SYTL5: variants seen among roughly 807,000 people sequenced by gnomAD.
SYTL5 encodes synaptotagmin like 5.
A neutral mutation model predicts 55.9 loss-of-function variants in SYTL5; 34 were observed. The ratio of observed to expected loss-of-function variants is 0.61; its 90% CI spans 0.46 to 0.81. The LOEUF (loss-of-function observed/expected upper bound fraction) is 0.81. SYTL5 is among the 30% of genes least tolerant of loss of function. SYTL5 has a pLI of 0.00. For missense variants in SYTL5, 637 were observed against 546.7 expected (o/e 1.17, Z -1.65); for synonymous variants, 221 against 188.7 (o/e 1.17, Z -1.40).
At chrX:38,085,984 C>T (rs1414849598) in intron 6 of SYTL5, among the ~76,000 whole-genome samples, 2 of 111,657 alleles carry the variant, frequency 1.8e-5, no homozygotes, top group Admixed American at 9.5e-5. Flanking sequence ...AGCCAGCAAA[C>T]GAGACATACA....
At chrX:38,060,484 G>C (rs1402040226) in intron 3 of SYTL5, among the ~76,000 whole-genome samples, 1 of 111,606 alleles carries the variant, frequency 9.0e-6, no homozygotes, top group African/African-American at 3.3e-5. Flanking sequence ...CACTGATGTA[G>C]TTCTAGTGCC....
chrX:38,031,761 C>G (rs2048866691), intron 1 of SYTL5, among the ~76,000 whole-genome samples: 1 of 111,720 alleles, frequency 9.0e-6, no homozygotes, highest in African/African-American at 3.3e-5. Context: ...CTGCAGTTGA[C>G]AGTGATGCAA....
At chrX:38,059,273 A>G (rs972039673) in intron 3 of SYTL5, among the ~76,000 whole-genome samples, 1 of 111,387 alleles carries the variant, frequency 9.0e-6, no homozygotes, top group African/African-American at 3.2e-5. Flanking sequence ...GACTACTTCT[A>G]TTGTTTATTG....
chrX:37,980,904 T>A, the SYTL5 span, among the ~76,000 whole-genome samples: 1 of 112,044 alleles, frequency 8.9e-6, no homozygotes, highest in Non-Finnish European at 1.9e-5. Context: ...CCATGTGTGA[T>A]CCACATGGAG....
At chrX:38,003,697 G>A (rs762507825), upstream of SYTL5, among the ~76,000 whole-genome samples, 33 of 111,843 alleles carry the variant, frequency 3.0e-4, no homozygotes, top group African/African-American at 1.0e-3. Context: ...AGCTACCAAT[G>A]ACTTTCTTCA....
chrX:38,079,329 G>A (rs1936470116), intron 6 of SYTL5, among the ~76,000 whole-genome samples: 1 of 111,892 alleles, frequency 8.9e-6, no homozygotes, highest in African/African-American at 3.2e-5. Flanking sequence ...CAGATGTGCA[G>A]TTGGCTTTCT....
At chrX:38,061,003 A>C (rs1417403767) in intron 3 of SYTL5, among the ~76,000 whole-genome samples, 1 of 112,080 alleles carries the variant, frequency 8.9e-6, no homozygotes, top group Admixed American at 9.5e-5. Context: ...CTAAGGATAC[A>C]AAGTTGAATA....
the SYTL5 span, among the ~76,000 whole-genome samples, chrX:37,924,905 G>A: frequency 9.0e-6 from 1 of 110,814 alleles, no homozygotes; most frequent in Non-Finnish European, 1.9e-5. Context: ...TTGCTGTTTT[G>A]AAATACATAA....
Position 38,092,525 on chromosome X carries a change from T to C in SYTL5, c.832-1770T>C, listed in dbSNP as rs1405313986. 3.6e-5 allele frequency among the ~76,000 whole-genome samples: 4 copies of C among 111,461 alleles called. No homozygotes were observed. In the Admixed American group the frequency reaches 3.8e-4, roughly 11 times the overall value. ...GCAGGAGGAGGGGAAGCCAAGTGTCTGGTGCAGCTTGGGAAGAGAAAGAGT... is the reference window on the plus strand; with the variant it reads ...GCAGGAGGAGGGGAAGCCAAGTGTCCGGTGCAGCTTGGGAAGAGAAAGAGT... On this transcript the variant is annotated intron_variant, in intron 7 of 16. Coordinates refer to ENST00000297875, the MANE Select transcript of SYTL5 (RefSeq NM_138780.3).
the SYTL5 span, among the ~76,000 whole-genome samples, chrX:37,957,706 T>G: frequency 8.9e-6 from 1 of 112,225 alleles, no homozygotes. Flanking sequence ...AATAGTGAAG[T>G]ATGATGCCTC....
chrX:38,028,578 A>C (rs917616764), intron 1 of SYTL5, among the ~76,000 whole-genome samples: 1 of 112,048 alleles, frequency 8.9e-6, no homozygotes, highest in Non-Finnish European at 1.9e-5. Context: ...AAAACAAAGG[A>C]TCAGCAACGT....
At chrX:38,113,375 T>C (rs180851823) in intron 13 of SYTL5, among the ~76,000 whole-genome samples, 1 of 112,393 alleles carries the variant, frequency 8.9e-6, no homozygotes, top group Admixed American at 9.4e-5. Context: ...AGAGAGTAAA[T>C]GTATGTTCCT....
chrX:38,008,586 A>G (rs976240212), intron 1 of SYTL5, among the ~76,000 whole-genome samples: 3 of 111,740 alleles, frequency 2.7e-5, no homozygotes, highest in African/African-American at 9.7e-5. Flanking sequence ...TATAATAAAC[A>G]TGTAGTGTAC....
At chrX:37,916,983 T>A in the SYTL5 span, among the ~76,000 whole-genome samples, 1 of 111,961 alleles carries the variant, frequency 8.9e-6, no homozygotes, top group Non-Finnish European at 1.9e-5. Flanking sequence ...TTGTTTATGA[T>A]GATCTTGTCA....
chrX:37,933,096 G>A, the SYTL5 span, among the ~76,000 whole-genome samples: 22 of 111,167 alleles, frequency 2.0e-4, no homozygotes, highest in Non-Finnish European at 3.8e-4. Flanking sequence ...AGGAGGTGGC[G>A]ATATAGACTC....
chrX:38,069,383 T>C (rs780001060), intron 3 of SYTL5, among the ~76,000 whole-genome samples: 91 of 112,009 alleles, frequency 8.1e-4, no homozygotes, highest in Admixed American at 6.9e-3. Context: ...CTTTTTTCTA[T>C]AAAGAGATTC....
intron 6 of SYTL5, among the ~76,000 whole-genome samples, chrX:38,079,020 T>C (rs5917526): frequency 0.13 from 14,993 of 111,621 alleles, 824 homozygotes; most frequent in Middle Eastern, 0.16. Context: ...TGAACGTGCA[T>C]TTATCACAGT....
intron 13 of SYTL5, among the ~76,000 whole-genome samples, chrX:38,111,648 G>T (rs1469671056): frequency 8.9e-6 from 1 of 112,212 alleles, no homozygotes; most frequent in Non-Finnish European, 1.9e-5. Flanking sequence ...CTCCAAGCAT[G>T]CCTCTCTAAT....
chrX:38,031,922 T>C (rs1190113113), intron 1 of SYTL5, among the ~76,000 whole-genome samples: 1 of 112,430 alleles, frequency 8.9e-6, no homozygotes, highest in Non-Finnish European at 1.9e-5. Context: ...TGCACTAACC[T>C]GAACAGCTTC....
Sources: allele counts gnomAD v4.1 joint callset (sites outside exome capture counted in the v4.1 genomes callset), GRCh38; gene constraint gnomAD v4.1.1; transcripts MANE v1.5; gene names NCBI Gene and HGNC (gene_info 2026-07-23, HGNC 2026-07-21).